The following SSBP3 variants were observed in gnomAD, a reference collection of about 807,000 sequenced individuals.
SSBP3 encodes the protein single stranded DNA binding protein 3.
In SSBP3, 5 loss-of-function variants were observed where a neutral mutation model predicts 69.6. The ratio of observed to expected loss-of-function variants is 0.07; its 90% CI spans 0.04 to 0.15. The LOEUF is 0.15. Ranked by LOEUF, SSBP3 falls within the 10% of genes least tolerant of loss-of-function variation. The pLI is 1.00. For missense variants in SSBP3, 312 were observed against 534.0 expected, an observed-to-expected ratio of 0.58 and a Z score of 4.10; for synonymous variants, 196 against 193.4, an observed-to-expected ratio of 1.01 and a Z score of -0.11.
chr1:54,385,162 G>A (rs955349966), intron 4 of SSBP3, among the ~76,000 whole-genome samples: 18 of 152,216 alleles, frequency 1.2e-4, no homozygotes, highest in Admixed American at 9.2e-4. Flanking sequence ...TCCCTCCCCA[G>A]ATGGACTAGG....
At chr1:54,253,168 G>GT (rs1171308407) in intron 7 of SSBP3, among the ~76,000 whole-genome samples, 2,108 of 92,540 alleles carry the variant, frequency 0.023, 26 homozygotes, top group African/African-American at 0.054. Flanking sequence ...ATTGGTATTT[G>GT]TTTTTGTTTT....
chr1:54,367,729 T>A (rs1647051614), intron 4 of SSBP3, among the ~76,000 whole-genome samples: 1 of 152,176 alleles, frequency 6.6e-6, no homozygotes, highest in South Asian at 2.1e-4. Context: ...CTCAAATCAC[T>A]CTTAAGCAAT....
chr1:54,380,005 G>A (rs1316432468), intron 4 of SSBP3, among the ~76,000 whole-genome samples: 1 of 152,202 alleles, frequency 6.6e-6, no homozygotes, highest in African/African-American at 2.4e-5. Context: ...CTGGAGGAGG[G>A]CCTCTGTTAG....
chr1:54,284,457 T>C (rs1299853684), intron 4 of SSBP3, among the ~76,000 whole-genome samples: 4 of 151,804 alleles, frequency 2.6e-5, no homozygotes, highest in African/African-American at 9.6e-5. Flanking sequence ...GGGTAAGTTA[T>C]AATTTAAAAA....
intron 14 of SSBP3, among the ~76,000 whole-genome samples, chr1:54,233,972 A>G (rs556383038): frequency 2.0e-5 from 3 of 152,318 alleles, no homozygotes; most frequent in South Asian, 2.1e-4. Flanking sequence ...GAAAGTAGAC[A>G]TGGGAGACTT....
At chr1:54,238,364 C>G in intron 14 of SSBP3, 1 of 469,090 alleles carries the variant, frequency 2.1e-6, no homozygotes, top group Non-Finnish European at 4.4e-6. Context: ...CCTTTTCAGA[C>G]CCTGAGCTCC....
chr1:54,387,050 A>T (rs1033545877), intron 4 of SSBP3, among the ~76,000 whole-genome samples: 2 of 152,116 alleles, frequency 1.3e-5, no homozygotes, highest in African/African-American at 4.8e-5. Flanking sequence ...TTATTCCATG[A>T]AGTAAGAACA....
intron 7 of SSBP3, among the ~76,000 whole-genome samples, chr1:54,252,842 C>T (rs1454949416): frequency 6.6e-6 from 1 of 152,220 alleles, no homozygotes; most frequent in African/African-American, 2.4e-5. Context: ...AGAGGAAAAG[C>T]CTTTTGGCTG....
At chr1:54,365,571 C>T (rs1196902802) in intron 4 of SSBP3, among the ~76,000 whole-genome samples, 1 of 152,182 alleles carries the variant, frequency 6.6e-6, no homozygotes, top group Admixed American at 6.5e-5. Context: ...TGAGGGAAGG[C>T]ACATGCCCTC....
intron 4 of SSBP3, among the ~76,000 whole-genome samples, chr1:54,327,918 T>C (rs1389000045): frequency 6.6e-6 from 1 of 152,172 alleles, no homozygotes; most frequent in East Asian, 1.9e-4. Flanking sequence ...TTAAGCACAT[T>C]TACATGCAAA....
intron 5 of SSBP3, among the ~76,000 whole-genome samples, chr1:54,267,449 T>A (rs2100799504): frequency 6.6e-6 from 1 of 152,220 alleles, no homozygotes; most frequent in East Asian, 1.9e-4. Flanking sequence ...GAGACCAGGG[T>A]GCAACACTTT....
chr1:54,229,454 G>A (rs559099347), intron 14 of SSBP3, among the ~76,000 whole-genome samples: 6 of 152,282 alleles, frequency 3.9e-5, no homozygotes, highest in African/African-American at 1.4e-4. Context: ...GTGGGGAAGA[G>A]AGAGCTAGGG....
At chr1:54,319,786 A>G (rs1483199904) in intron 4 of SSBP3, among the ~76,000 whole-genome samples, 5 of 152,180 alleles carry the variant, frequency 3.3e-5, no homozygotes. Context: ...AAGAAAAAGC[A>G]GCAGCTAAGA....
chr1:54,231,968 A>G (rs1432871242), intron 14 of SSBP3, among the ~76,000 whole-genome samples: 1 of 152,206 alleles, frequency 6.6e-6, no homozygotes. Context: ...TGCTAGGATT[A>G]TAGGTGTGAG....
chr1:54,323,530 G>A (rs1179230480), intron 4 of SSBP3, among the ~76,000 whole-genome samples: 2 of 152,174 alleles, frequency 1.3e-5, no homozygotes, highest in Non-Finnish European at 2.9e-5. Context: ...ATCAGACCCT[G>A]TCCCAACAGG....
chr1:54,345,662 A>C (rs530673306), intron 4 of SSBP3, among the ~76,000 whole-genome samples: 2 of 152,198 alleles, frequency 1.3e-5, no homozygotes, highest in African/African-American at 4.8e-5. Context: ...AACGCCAAGC[A>C]AAGTCTCTGT....
chr1:54,374,831 T>C (rs1044499034), intron 4 of SSBP3, among the ~76,000 whole-genome samples: 1 of 152,220 alleles, frequency 6.6e-6, no homozygotes, highest in African/African-American at 2.4e-5. Flanking sequence ...TTCCAGAGCA[T>C]GAACTTGCTT....
At chr1:54,240,093 C>CGTGTGTGTGT (rs1296410551) in intron 13 of SSBP3, among the ~76,000 whole-genome samples, 1 of 21,248 alleles carries the variant, frequency 4.7e-5, no homozygotes, top group Non-Finnish European at 7.9e-5. Flanking sequence ...TGTGTGCGCG[C>CGTGTGTGTGT]GCGCGCGTGT....
chr1:54,285,481 G>C (rs1238368046), intron 4 of SSBP3: 1 of 152,014 alleles, frequency 6.6e-6, no homozygotes, highest in Non-Finnish European at 1.5e-5. Context: ...TCTAGAATAC[G>C]GGTAAGTTAT....
Sources: allele counts gnomAD v4.1 joint callset (sites outside exome capture counted in the v4.1 genomes callset), GRCh38; gene constraint gnomAD v4.1.1; transcripts MANE v1.5; gene names NCBI Gene and HGNC (gene_info 2026-07-23, HGNC 2026-07-21).